The following SORCS3 variants were observed in gnomAD, a reference collection of about 807,000 sequenced individuals.
SORCS3 encodes VPS10 domain-containing receptor SorCS3.
A neutral mutation model predicts 146.3 loss-of-function variants in SORCS3; 57 were observed. The ratio of observed to expected loss-of-function variants is 0.39; its 90% CI spans 0.31 to 0.49. The LOEUF is 0.49. Ranked by LOEUF, SORCS3 falls within the 20% of genes least tolerant of loss-of-function variation. The pLI is 0.92. For synonymous variants in SORCS3, 653 were observed against 618.5 expected, an observed-to-expected ratio of 1.06 and a Z score of -0.83; for missense variants, 1,341 against 1,575.5, an observed-to-expected ratio of 0.85 and a Z score of 2.52.
chr10:104,816,551 C>A (rs556156582), intron 1 of SORCS3, among the ~76,000 whole-genome samples: 3 of 152,358 alleles, frequency 2.0e-5, no homozygotes, highest in Non-Finnish European at 4.4e-5. Flanking sequence ...ACACAAATTA[C>A]ACCTATCAGA....
intron 16 of SORCS3, among the ~76,000 whole-genome samples, chr10:105,203,910 T>A (rs1054274889): frequency 1.3e-5 from 2 of 152,162 alleles, no homozygotes; most frequent in African/African-American, 4.8e-5. Context: ...CCCTATGGTA[T>A]TTTTGGAAGT....
intron 22 of SORCS3, among the ~76,000 whole-genome samples, chr10:105,248,241 T>G (rs920418467): frequency 2.0e-5 from 3 of 152,208 alleles, no homozygotes; most frequent in Non-Finnish European, 4.4e-5. Context: ...GCTAGAGGCA[T>G]GGCCAGCATC....
At chr10:105,036,228 C>T (rs1461356803) in intron 4 of SORCS3, among the ~76,000 whole-genome samples, 1 of 152,060 alleles carries the variant, frequency 6.6e-6, no homozygotes, top group East Asian at 1.9e-4. Context: ...CTGGCTCATC[C>T]ATCATGACTC....
intron 11 of SORCS3, among the ~76,000 whole-genome samples, chr10:105,163,881 C>T (rs557039049): frequency 0.019 from 2,222 of 116,238 alleles, 42 homozygotes; most frequent in Middle Eastern, 0.019. Flanking sequence ...CAGTTACGCA[C>T]ATACACACAC....
intron 1 of SORCS3, among the ~76,000 whole-genome samples, chr10:104,717,803 A>G (rs1258742580): frequency 3.3e-5 from 5 of 152,194 alleles, no homozygotes; most frequent in South Asian, 2.1e-4. Flanking sequence ...TTGGGCTGCT[A>G]TAACAGTATA....
chr10:105,239,743 G>C (rs114565392), intron 20 of SORCS3, among the ~76,000 whole-genome samples: 2 of 152,138 alleles, frequency 1.3e-5, no homozygotes, highest in African/African-American at 2.4e-5. Context: ...GATTAACAGA[G>C]GTCTGGCTTA....
chr10:105,220,615 T>G lies in SORCS3; in HGVS notation c.2735-2501T>G, dbSNP rs1252361832. On this transcript the variant is annotated intron_variant, in intron 19 of 26. Coordinates refer to ENST00000369701, the MANE Select transcript of SORCS3 (RefSeq NM_014978.3). ...AGCAGTGACTTTGAAGGTAAAAGGG[T>G]CCCCTAAAGGGGCCCCTTTTCTATC... 5.3e-5 allele frequency among the ~76,000 whole-genome samples: 8 copies of G among 152,106 alleles called. No individual in the cohort carries two copies. The South Asian group carries it at 1.5e-3, about 28-fold the overall frequency.
At chr10:105,188,897 G>T (rs2056496034) in intron 14 of SORCS3, among the ~76,000 whole-genome samples, 1 of 152,206 alleles carries the variant, frequency 6.6e-6, no homozygotes, top group African/African-American at 2.4e-5. Context: ...CCTAGCAATG[G>T]CTAATTCTGA....
intron 19 of SORCS3, among the ~76,000 whole-genome samples, chr10:105,222,605 T>C (rs2056710566): frequency 6.6e-6 from 1 of 152,206 alleles, no homozygotes. Context: ...CTTTTCCCTG[T>C]TTGGAAAACA....
intron 4 of SORCS3, among the ~76,000 whole-genome samples, chr10:104,988,036 TC>T (rs1182086417): frequency 2.6e-5 from 4 of 152,218 alleles, no homozygotes; most frequent in African/African-American, 9.7e-5. Context: ...ACAAATTCTC[TC>T]ATATATGTGA....
intron 17 of SORCS3, among the ~76,000 whole-genome samples, 172 bp downstream of exon 17, chr10:105,211,422 A>T (rs1250995346): frequency 3.3e-5 from 5 of 152,214 alleles, no homozygotes; most frequent in Non-Finnish European, 5.9e-5. Flanking sequence ...CTATTTGGGG[A>T]GCATCAGAAG....
At chr10:105,073,725 C>T (rs1356647669) in intron 5 of SORCS3, among the ~76,000 whole-genome samples, 1 of 152,022 alleles carries the variant, frequency 6.6e-6, no homozygotes, top group Non-Finnish European at 1.5e-5. Flanking sequence ...AGAGTTCTGC[C>T]AGGGGAGCTG....
At chr10:104,737,352 A>T (rs1318382768) in intron 1 of SORCS3, among the ~76,000 whole-genome samples, 1 of 152,072 alleles carries the variant, frequency 6.6e-6, no homozygotes, top group African/African-American at 2.4e-5. Context: ...AGGAATCGCC[A>T]CACTGACTTC....
chr10:104,738,422 G>T (rs964945351), intron 1 of SORCS3, among the ~76,000 whole-genome samples: 6 of 152,172 alleles, frequency 3.9e-5, no homozygotes, highest in Admixed American at 2.0e-4. Context: ...CATCTTGAAG[G>T]AGCAGTTTAT....
intron 4 of SORCS3, among the ~76,000 whole-genome samples, chr10:105,013,597 A>G (rs970521837): frequency 6.6e-6 from 1 of 152,168 alleles, no homozygotes; most frequent in Non-Finnish European, 1.5e-5. Context: ...TCTTGTTTCA[A>G]TATCCAACAA....
chr10:105,211,042 G>A, intron 16 of SORCS3, 95 bp from the exon 17 acceptor site: 1 of 745,736 alleles, frequency 1.3e-6, no homozygotes. Flanking sequence ...TGACTTTCTG[G>A]ATGGCAATAG....
chr10:104,832,625 G>A (rs2133538310), intron 1 of SORCS3, among the ~76,000 whole-genome samples: 1 of 152,306 alleles, frequency 6.6e-6, no homozygotes, highest in East Asian at 1.9e-4. Flanking sequence ...GGCTGAGGCA[G>A]GAGAATCGTT....
chr10:105,111,289 C>T (rs981991571), intron 7 of SORCS3, among the ~76,000 whole-genome samples: 1 of 152,176 alleles, frequency 6.6e-6, no homozygotes, highest in Non-Finnish European at 1.5e-5. Flanking sequence ...TTGGACTAAG[C>T]TCCAATGCAG....
At chr10:105,108,989 TA>T (rs2055841287) in intron 7 of SORCS3, among the ~76,000 whole-genome samples, 1 of 152,224 alleles carries the variant, frequency 6.6e-6, no homozygotes, top group African/African-American at 2.4e-5. Flanking sequence ...ATGATTACTT[TA>T]AAACTCCCAT....
Sources: allele counts gnomAD v4.1 joint callset (sites outside exome capture counted in the v4.1 genomes callset), GRCh38; gene constraint gnomAD v4.1.1; transcripts MANE v1.5; gene names NCBI Gene and HGNC (gene_info 2026-07-23, HGNC 2026-07-21).